The following MGME1 variants were observed in gnomAD, a reference collection of about 807,000 sequenced individuals.
MGME1 encodes the protein chromosome 20 open reading frame 72.
MGME1 carries 22 observed loss-of-function variants against 33.0 expected under a neutral mutation model. The ratio of observed to expected loss-of-function variants is 0.67; its 90% confidence interval spans 0.48 to 0.95. The LOEUF (loss-of-function observed/expected upper bound fraction) is 0.95. Ranked by LOEUF, MGME1 falls within the 40% of genes least tolerant of loss-of-function variation. The pLI, the probability that MGME1 is intolerant of heterozygous loss-of-function variation, is 0.00. For synonymous variants in MGME1, 133 were observed against 144.0 expected (o/e 0.92, Z 0.55); for missense variants, 383 against 397.8 (o/e 0.96, Z 0.32).
chr20:17,979,554 C>A (rs985682842), intron 3 of MGME1, among the ~76,000 whole-genome samples: 5 of 150,746 alleles, frequency 3.3e-5, no homozygotes, highest in African/African-American at 9.8e-5. Context: ...GGACTACAGG[C>A]GCATGCCACC....
At chr20:17,975,647 G>A (rs746002994) in intron 2 of MGME1, 37 bp from the exon 3 acceptor site, 1 of 1,483,894 alleles carries the variant, frequency 6.7e-7, no homozygotes. Flanking sequence ...CTTTGTTTGT[G>A]TTTCCCCCCT....
At chr20:17,970,435 A>C (rs1250816466) in intron 2 of MGME1, 65 bp downstream of exon 2, 2 of 1,498,412 alleles carry the variant, frequency 1.3e-6, no homozygotes, top group Non-Finnish European at 1.8e-6. Flanking sequence ...CAACGGTGTC[A>C]AAAGAATGAG....
At chr20:17,986,371 A>AT (rs957074655) in intron 3 of MGME1, among the ~76,000 whole-genome samples, 47 of 140,410 alleles carry the variant, frequency 3.3e-4, no homozygotes, top group African/African-American at 6.0e-4. Flanking sequence ...GCCCGGCAGA[A>AT]TTTTTTTTTT....
intron 3 of MGME1, 77 bp downstream of exon 3, chr20:17,975,980 T>A: frequency 2.5e-6 from 3 of 1,179,096 alleles, no homozygotes; most frequent in Non-Finnish European, 2.5e-6. Flanking sequence ...GTAGGTACTG[T>A]AGCCTCTGTC....
At chr20:17,972,614 T>C (rs1209093712) in intron 2 of MGME1, 1 of 943,250 alleles carries the variant, frequency 1.1e-6, no homozygotes, top group Admixed American at 6.2e-5. Flanking sequence ...TGATGCTACA[T>C]GCAGTGAATA....
chr20:17,980,426 G>A (rs1338375760), intron 3 of MGME1, among the ~76,000 whole-genome samples: 2 of 151,960 alleles, frequency 1.3e-5, no homozygotes, highest in African/African-American at 4.8e-5. Context: ...CTGAGATATT[G>A]TATGACCATA....
intron 3 of MGME1, among the ~76,000 whole-genome samples, chr20:17,983,829 T>G (rs923361303): frequency 1.3e-5 from 2 of 152,234 alleles, no homozygotes; most frequent in African/African-American, 4.8e-5. Context: ...GAGTTCCTTA[T>G]ATACTTTGGA....
intron 3 of MGME1, among the ~76,000 whole-genome samples, chr20:17,981,644 TA>T (rs2036020787): frequency 7.4e-6 from 1 of 134,610 alleles, no homozygotes; most frequent in African/African-American, 2.9e-5. Context: ...CCCAATCTAC[TA>T]CTCGTGTGTG....
intron 3 of MGME1, among the ~76,000 whole-genome samples, chr20:17,983,659 G>A (rs893418848): frequency 8.5e-5 from 13 of 152,196 alleles, no homozygotes; most frequent in African/African-American, 3.1e-4. Flanking sequence ...GGTAATAATA[G>A]CCCAGTGTGA....
chr20:17,970,417 A>G, intron 2 of MGME1, 47 bp downstream of exon 2: 2 of 1,532,748 alleles, frequency 1.3e-6, no homozygotes, highest in Non-Finnish European at 1.7e-6. Context: ...GTTTTCTATA[A>G]TAGAGAGCAA....
intron 3 of MGME1, among the ~76,000 whole-genome samples, chr20:17,983,217 T>C (rs55776024): frequency 0.095 from 14,362 of 151,876 alleles, 808 homozygotes; most frequent in Middle Eastern, 0.18. Context: ...TGTTCACCCA[T>C]GTCACAAATG....
rs781471759 is a variant in MGME1 at position 17,988,213 on chromosome 20, C to T, written c.779C>T (p.Pro260Leu). Residue 260 changes from proline to leucine, a missense_variant, in exon 4 of 5, where the codon CCT (proline) becomes CTT (leucine). Pro to Leu is a moderately conservative substitution (Grantham distance 98). Transcript: ENST00000377710. ...TGGAAGACATCAGAGAAACCAAAGC[C>T]TTTTATTCAAAGTACATTTGACAAC... ...IDWKTSEKPK[P>L]FIQSTFDNPL... 1 of 1,613,956 alleles carries T rather than the reference C, an allele frequency of 6.2e-7. No individual in the cohort carries two copies. Among genetic ancestry groups the T allele is most frequent in the African/African-American group, 1.3e-5 (1 of 74,922 alleles).
chr20:17,970,289 C>T lies in MGME1; in HGVS notation c.430C>T (p.Gln144Ter). 1 of 1,614,192 alleles carries T rather than the reference C, an allele frequency of 6.2e-7. No homozygotes were observed. The highest frequency in any genetic ancestry group is 8.5e-7 in the Non-Finnish European group (1 of 1,180,018). Residue 144 changes from glutamine to a stop codon, truncating the protein, a stop_gained, in exon 2 of 5, where the codon CAA becomes TAA. Transcript: ENST00000377710. LOFTEE classifies it high-confidence loss of function. Reference sequence around the variant, plus strand: ...AGTCCTTCAGCAGACCATGACAAAACAACAGGTTTTCTTGTTGGAGAGGTG... The same window carrying T: ...AGTCCTTCAGCAGACCATGACAAAATAACAGGTTTTCTTGTTGGAGAGGTG... Reference protein sequence around the residue: ...TRVLQQTMTKQQVFLLERWKQ... With the variant: ...TRVLQQTMTK
At chr20:17,973,974 T>C (rs187413599) in intron 2 of MGME1, among the ~76,000 whole-genome samples, 2 of 152,242 alleles carry the variant, frequency 1.3e-5, no homozygotes, top group East Asian at 3.9e-4. Context: ...CCAAGGCCAT[T>C]GCTTAGCATA....
chr20:17,988,677 G>T (rs1053192294), intron 4 of MGME1, among the ~76,000 whole-genome samples: 5 of 146,756 alleles, frequency 3.4e-5, no homozygotes, highest in African/African-American at 5.0e-5. Context: ...AAACTTCTCA[G>T]TGGGGGGGTA....
chr20:17,980,010 C>T (rs1182146946), intron 3 of MGME1, among the ~76,000 whole-genome samples: 1 of 152,052 alleles, frequency 6.6e-6, no homozygotes, highest in Non-Finnish European at 1.5e-5. Flanking sequence ...GAATTACAAA[C>T]GTGAGCCCCT....
intron 2 of MGME1, among the ~76,000 whole-genome samples, chr20:17,973,204 G>A (rs561172803): frequency 7.0e-4 from 106 of 152,038 alleles, no homozygotes; most frequent in African/African-American, 2.4e-3. Flanking sequence ...AAAATTAGCC[G>A]GGCGCAGCGA....
At chr20:17,986,174 T>G (rs1459383466) in intron 3 of MGME1, among the ~76,000 whole-genome samples, 1 of 152,240 alleles carries the variant, frequency 6.6e-6, no homozygotes, top group East Asian at 1.9e-4. Context: ...GTTCAAGTAA[T>G]TCTCCTGCCT....
At position 17,989,955 on chromosome 20, in the gene MGME1, T is replaced by C. The variant is rs1354410830; in HGVS notation, c.881T>C (p.Ile294Thr). The change falls in exon 5 of 5, where the codon ATT (isoleucine) becomes ACT (threonine). Residue 294 changes from isoleucine (I) to threonine (T), a missense_variant. Physicochemically the swap from Ile to Thr is moderately conservative, Grantham distance 89. Transcript: ENST00000377710. ...TCTTCCTAGGTTCAATGTGGCTTAATTGTGGTGGCCTACAAAGATGGATCA... is the reference window on the plus strand; with the variant it reads ...TCTTCCTAGGTTCAATGTGGCTTAACTGTGGTGGCCTACAAAGATGGATCA... Reference protein sequence around the residue: ...NYSFQVQCGLIVVAYKDGSPA... With the variant: ...NYSFQVQCGLTVVAYKDGSPA... 2.5e-6 allele frequency: 4 copies of C among 1,614,126 alleles called. No individual in the cohort carries two copies. Among genetic ancestry groups the C allele is most frequent in the East Asian group, 2.2e-5 (1 of 44,882 alleles).
Sources: allele counts gnomAD v4.1 joint callset (sites outside exome capture counted in the v4.1 genomes callset), GRCh38; gene constraint gnomAD v4.1.1; transcripts MANE v1.5; gene names NCBI Gene and HGNC (gene_info 2026-07-23, HGNC 2026-07-21).